Variants in NKAIN2 observed in about 807,000 individuals in gnomAD.
NKAIN2 encodes the protein sodium/potassium transporting ATPase interacting 2, also known as sodium/potassium-transporting ATPase subunit beta-1-interacting protein 2.
In NKAIN2, 14 loss-of-function variants were observed where a neutral mutation model predicts 32.6. The observed-to-expected ratio is 0.43, with a 90% CI of 0.28 to 0.67. NKAIN2 has a LOEUF of 0.67. NKAIN2 is among the 30% of genes least tolerant of loss of function. The pLI, the probability that NKAIN2 is intolerant of heterozygous loss-of-function variation, is 0.17. For synonymous variants in NKAIN2, 80 were observed against 87.2 expected (o/e 0.92, Z 0.46); for missense variants, 198 against 258.3 (o/e 0.77, Z 1.60).
chr6:124,024,597 G>A (rs1437097110), intron 1 of NKAIN2, among the ~76,000 whole-genome samples: 1 of 150,114 alleles, frequency 6.7e-6, no homozygotes, highest in Non-Finnish European at 1.5e-5. Context: ...ATCAGTTTTA[G>A]ATAAAGCAGA....
intron 1 of NKAIN2, among the ~76,000 whole-genome samples, chr6:124,197,358 G>T (rs569322343): frequency 2.0e-5 from 3 of 150,182 alleles, no homozygotes; most frequent in African/African-American, 7.3e-5. Flanking sequence ...GCTTTGTATT[G>T]TTCGACAGTC....
chr6:123,976,394 T>C (rs1481685272), intron 1 of NKAIN2, among the ~76,000 whole-genome samples: 1 of 51,672 alleles, frequency 1.9e-5, no homozygotes, highest in African/African-American at 6.6e-5. Flanking sequence ...TATATATATA[T>C]ATATATATAT....
intron 4 of NKAIN2, among the ~76,000 whole-genome samples, chr6:124,713,591 A>G (rs1041973066): frequency 6.6e-6 from 1 of 152,182 alleles, no homozygotes; most frequent in Admixed American, 6.5e-5. Flanking sequence ...GGAAATGAAA[A>G]TGCACCCAAA....
intron 3 of NKAIN2, among the ~76,000 whole-genome samples, chr6:124,529,073 A>G (rs1283264530): frequency 5.3e-5 from 8 of 152,210 alleles, no homozygotes; most frequent in Admixed American, 4.6e-4. Flanking sequence ...CTTTGACTCA[A>G]TATAAATATC....
chr6:124,355,742 A>T (rs1798941455), intron 3 of NKAIN2, among the ~76,000 whole-genome samples: 1 of 148,672 alleles, frequency 6.7e-6, no homozygotes, highest in South Asian at 2.1e-4. Flanking sequence ...CAATAATTGA[A>T]ACAGTTAATG....
At chr6:124,049,381 G>A (rs1295847734) in intron 1 of NKAIN2, among the ~76,000 whole-genome samples, 1 of 151,966 alleles carries the variant, frequency 6.6e-6, no homozygotes, top group Non-Finnish European at 1.5e-5. Context: ...CTGTGACCCT[G>A]CCTGTGTATA....
chr6:123,963,912 A>G (rs1036799960), intron 1 of NKAIN2, among the ~76,000 whole-genome samples: 1 of 152,198 alleles, frequency 6.6e-6, no homozygotes, highest in Non-Finnish European at 1.5e-5. Flanking sequence ...GTCCCTGTAT[A>G]ATCAACATGC....
chr6:124,423,110 C>T (rs182718322), intron 3 of NKAIN2, among the ~76,000 whole-genome samples: 27 of 152,168 alleles, frequency 1.8e-4, no homozygotes, highest in Admixed American at 1.5e-3. Context: ...AATACAAATG[C>T]ACACCTGTGC....
At chr6:124,171,842 G>A (rs1419590122) in intron 1 of NKAIN2, among the ~76,000 whole-genome samples, 2 of 150,074 alleles carry the variant, frequency 1.3e-5, no homozygotes, top group Admixed American at 6.6e-5. Flanking sequence ...GTGAGCCACC[G>A]CGGCCGACTC....
At chr6:123,968,660 A>C (rs563959282) in intron 1 of NKAIN2, among the ~76,000 whole-genome samples, 2 of 152,264 alleles carry the variant, frequency 1.3e-5, no homozygotes, top group African/African-American at 2.4e-5. Context: ...TATGGCTCAC[A>C]GTGTGGCTCC....
chr6:123,946,096 C>T (rs1278092255), intron 1 of NKAIN2, among the ~76,000 whole-genome samples: 1 of 151,998 alleles, frequency 6.6e-6, no homozygotes, highest in Non-Finnish European at 1.5e-5. Context: ...GTCTTATTTG[C>T]ATAATAAAAA....
chr6:124,642,991 C>T (rs1449716122), intron 3 of NKAIN2, among the ~76,000 whole-genome samples: 3 of 152,094 alleles, frequency 2.0e-5, no homozygotes, highest in Admixed American at 6.5e-5. Flanking sequence ...GTCAAGCACT[C>T]AGAATTTATA....
chr6:124,393,270 C>T (rs1427834385), intron 3 of NKAIN2, among the ~76,000 whole-genome samples: 1 of 151,824 alleles, frequency 6.6e-6, no homozygotes, highest in Admixed American at 6.6e-5. Context: ...TTAGCATCAT[C>T]GTTACACAAT....
chr6:124,378,574 G>C (rs920516686), intron 3 of NKAIN2, among the ~76,000 whole-genome samples: 1 of 152,146 alleles, frequency 6.6e-6, no homozygotes, highest in Non-Finnish European at 1.5e-5. Context: ...AATTACAAGT[G>C]AGAAAGTGGG....
chr6:124,810,026 C>T (rs886964788), intron 5 of NKAIN2, among the ~76,000 whole-genome samples: 16 of 152,182 alleles, frequency 1.1e-4, no homozygotes, highest in African/African-American at 3.9e-4. Context: ...ACACTTTACA[C>T]TGTTGGTGGG....
intron 1 of NKAIN2, among the ~76,000 whole-genome samples, chr6:123,805,895 C>CAAATTTACA (rs1773195122): frequency 5.9e-5 from 9 of 152,050 alleles, no homozygotes; most frequent in African/African-American, 1.7e-4. Context: ...TGTGATTTAA[C>CAAATTTACA]TTCTAATCAT....
At chr6:124,363,898 G>C (rs1267478446) in intron 3 of NKAIN2, among the ~76,000 whole-genome samples, 2 of 151,902 alleles carry the variant, frequency 1.3e-5, no homozygotes, top group African/African-American at 4.8e-5. Flanking sequence ...GATTGAAAGA[G>C]AAGAAGAAGA....
intron 1 of NKAIN2, among the ~76,000 whole-genome samples, chr6:124,232,437 A>G (rs983463038): frequency 6.6e-6 from 1 of 152,196 alleles, no homozygotes; most frequent in African/African-American, 2.4e-5. Context: ...TACATGTTAA[A>G]GAATAAAAAA....
chr6:124,112,928 T>C (rs1202620900), intron 1 of NKAIN2, among the ~76,000 whole-genome samples: 1 of 151,076 alleles, frequency 6.6e-6, no homozygotes, highest in African/African-American at 2.5e-5. Context: ...TAATATTTTC[T>C]CTTTCTTTGT....
Sources: gnomAD v4.1 joint callset for allele counts (sites outside exome capture counted in the v4.1 genomes callset) on GRCh38, gnomAD v4.1.1 for gene constraint, MANE v1.5 for transcripts, NCBI Gene and HGNC (gene_info 2026-07-23, HGNC 2026-07-21) for gene names.